Variants in DAB1 observed in about 807,000 individuals in gnomAD.
DAB1 encodes the protein disabled homolog 1.
DAB1 carries 15 observed loss-of-function variants against 64.6 expected under a neutral mutation model. The ratio of observed to expected loss-of-function variants is 0.23; its 90% confidence interval spans 0.16 to 0.36. The LOEUF is 0.36. Among genes scored for constraint, DAB1 ranks in the 10% least tolerant of loss-of-function variants. DAB1 has a pLI of 1.00. For missense variants in DAB1, 596 were observed against 706.7 expected (o/e 0.84, Z 1.78); for synonymous variants, 235 against 251.9 (o/e 0.93, Z 0.64).
intron 2 of DAB1, among the ~76,000 whole-genome samples, chr1:57,161,639 A>G (rs1213489419): frequency 6.6e-6 from 1 of 152,168 alleles, no homozygotes; most frequent in Non-Finnish European, 1.5e-5. Context: ...AAATTTTTGT[A>G]TTTCAGTTCT....
chr1:57,603,737 T>G (rs890931297), intron 7 of DAB1, among the ~76,000 whole-genome samples: 1 of 152,208 alleles, frequency 6.6e-6, no homozygotes, highest in South Asian at 2.1e-4. Context: ...AAGTCAGATG[T>G]TTTTGGATGG....
chr1:58,167,017 G>T (rs1426838392), intron 4 of DAB1, among the ~76,000 whole-genome samples: 2 of 149,872 alleles, frequency 1.3e-5, no homozygotes, highest in Admixed American at 1.3e-4. Flanking sequence ...AAAAGTGCTA[G>T]GAATATAGGT....
rs115947801 is a variant in DAB1 at position 58,503,278 on chromosome 1, G to A, written n.257+2782C>T. On this transcript the variant is annotated intron_variant and non_coding_transcript_variant, in intron 3 of 20. Coordinates refer to the DAB1 transcript ENST00000485760. Reference sequence around the variant, plus strand: ...CCTCCCAGGGTGCGATAAAGTCCCAGGGGCCTTGGATAGCACAAAGGACCC... The same window carrying A: ...CCTCCCAGGGTGCGATAAAGTCCCAAGGGCCTTGGATAGCACAAAGGACCC... Among the ~76,000 whole-genome samples the A allele has an allele frequency of 3.9e-3, 598 of 152,238 alleles. 2 individuals carry two copies. Among genetic ancestry groups the A allele is most frequent in the African/African-American group, 0.013 (549 of 41,560 alleles).
chr1:58,040,659 CAG>C (rs1229212104), intron 5 of DAB1, among the ~76,000 whole-genome samples: 1 of 152,188 alleles, frequency 6.6e-6, no homozygotes, highest in Non-Finnish European at 1.5e-5. Context: ...AGAGGAATCA[CAG>C]AGTTAAAAAT....
intron 6 of DAB1, among the ~76,000 whole-genome samples, chr1:57,810,993 C>T (rs1651591468): frequency 6.6e-6 from 1 of 152,190 alleles, no homozygotes; most frequent in Non-Finnish European, 1.5e-5. Context: ...TGCCAGCATT[C>T]CTTGGCTCTG....
intron 6 of DAB1, among the ~76,000 whole-genome samples, chr1:57,668,414 G>T (rs184858489): frequency 1.7e-3 from 252 of 152,210 alleles, no homozygotes; most frequent in South Asian, 1.2e-3. Flanking sequence ...TTGTGTCATT[G>T]TTACTATTAT....
At chr1:57,282,310 C>T (rs1671982477) in intron 2 of DAB1, among the ~76,000 whole-genome samples, 1 of 151,674 alleles carries the variant, frequency 6.6e-6, no homozygotes, top group African/African-American at 2.4e-5. Flanking sequence ...GCACAAAAGC[C>T]ACAGAGGTGA....
intron 6 of DAB1, among the ~76,000 whole-genome samples, chr1:57,752,300 C>CA (rs1648594083): frequency 6.6e-6 from 1 of 152,206 alleles, no homozygotes; most frequent in African/African-American, 2.4e-5. Context: ...TATTTATTTA[C>CA]ATTTTTCAAC....
At chr1:57,777,833 T>G (rs1258251023) in intron 6 of DAB1, among the ~76,000 whole-genome samples, 1 of 152,120 alleles carries the variant, frequency 6.6e-6, no homozygotes, top group African/African-American at 2.4e-5. Context: ...CATTTTTTTG[T>G]GGGACAGGAT....
At chr1:57,890,100 AC>A (rs1644288689) in intron 5 of DAB1, among the ~76,000 whole-genome samples, 1 of 152,102 alleles carries the variant, frequency 6.6e-6, no homozygotes, top group Non-Finnish European at 1.5e-5. Flanking sequence ...GGTGATTAAG[AC>A]TGGGGTGAGG....
intron 5 of DAB1, among the ~76,000 whole-genome samples, chr1:58,097,787 G>C (rs1487923383): frequency 1.3e-5 from 2 of 152,132 alleles, no homozygotes; most frequent in South Asian, 2.1e-4. Context: ...TGTGGTGGGA[G>C]GGGGACAGGC....
At chr1:58,264,486 C>T (rs1000756469) in intron 4 of DAB1, among the ~76,000 whole-genome samples, 1 of 152,182 alleles carries the variant, frequency 6.6e-6, no homozygotes, top group Non-Finnish European at 1.5e-5. Context: ...GTATATGGCT[C>T]ATATATACTC....
intron 1 of DAB1, among the ~76,000 whole-genome samples, chr1:57,303,391 G>A (rs1413468010): frequency 6.6e-6 from 1 of 152,192 alleles, no homozygotes; most frequent in Admixed American, 6.5e-5. Context: ...GGCTGGGCCT[G>A]GGACAGATCT....
At chr1:58,493,523 G>A (rs1480981525) in intron 3 of DAB1, among the ~76,000 whole-genome samples, 20 of 151,278 alleles carry the variant, frequency 1.3e-4, no homozygotes, top group Admixed American at 5.9e-4. Flanking sequence ...AAACCCCATC[G>A]TCTCAGCCCA....
chr1:57,539,971 C>CACCA (rs1286000595), intron 7 of DAB1, among the ~76,000 whole-genome samples: 2 of 152,144 alleles, frequency 1.3e-5, no homozygotes, highest in Non-Finnish European at 2.9e-5. Context: ...CCTTAATAAA[C>CACCA]AGATGCCACA....
chr1:57,294,806 G>A (rs1475342875), intron 1 of DAB1, among the ~76,000 whole-genome samples: 2 of 152,098 alleles, frequency 1.3e-5, no homozygotes, highest in East Asian at 1.9e-4. Flanking sequence ...CAAGACACTC[G>A]TCTCTCCAAC....
intron 4 of DAB1, among the ~76,000 whole-genome samples, chr1:58,167,414 C>T (rs1655908740): frequency 6.6e-6 from 1 of 151,878 alleles, no homozygotes; most frequent in African/African-American, 2.4e-5. Context: ...TGTAAATGCA[C>T]CAATCAGCAC....
At chr1:57,328,348 G>A (rs942469900) in intron 1 of DAB1, among the ~76,000 whole-genome samples, 1 of 152,126 alleles carries the variant, frequency 6.6e-6, no homozygotes, top group Admixed American at 6.5e-5. Flanking sequence ...TAAAGACCAC[G>A]TGGGGTGCTA....
At chr1:57,546,066 A>AGTGTGTGTGT (rs61208960) in intron 7 of DAB1, among the ~76,000 whole-genome samples, 6 of 147,370 alleles carry the variant, frequency 4.1e-5, no homozygotes, top group African/African-American at 1.5e-4. Flanking sequence ...AGCAGAGGGG[A>AGTGTGTGTGT]GTGTGTGTGT....
Sources: gnomAD v4.1 joint callset for allele counts (sites outside exome capture counted in the v4.1 genomes callset) on GRCh38, gnomAD v4.1.1 for gene constraint, MANE v1.5 for transcripts, NCBI Gene and HGNC (gene_info 2026-07-23, HGNC 2026-07-21) for gene names.